PRELID2: variants seen among roughly 807,000 people sequenced by gnomAD.
The protein encoded by PRELID2 is PRELI domain containing 2, also known as PRELI domain-containing protein 2.
PRELID2 carries 25 observed loss-of-function variants against 28.4 expected under a neutral mutation model. The observed-to-expected ratio is 0.88, with a 90% CI of 0.64 to 1.23. The LOEUF (loss-of-function observed/expected upper bound fraction) is 1.23, where lower values mean the gene tolerates loss of function less well. Among genes scored for constraint, PRELID2 ranks in the 50% most tolerant of loss-of-function variants. The probability of loss-of-function intolerance (pLI) is 0.00; values close to 1 mark genes in which losing one functional copy is unlikely to be tolerated. For synonymous variants in PRELID2, 76 were observed against 71.6 expected (o/e 1.06, Z -0.31); for missense variants, 201 against 214.4 (o/e 0.94, Z 0.39).
chr5:145,833,459 G>A (rs1755735701), intron 1 of PRELID2, among the ~76,000 whole-genome samples: 1 of 152,164 alleles, frequency 6.6e-6, no homozygotes, highest in Admixed American at 6.5e-5. Context: ...TACTTTTTGG[G>A]CCCAGAAGCC....
chr5:145,422,181 G>C, the PRELID2 span, among the ~76,000 whole-genome samples: 1 of 148,016 alleles, frequency 6.8e-6, no homozygotes, highest in Admixed American at 6.8e-5. Context: ...AATAGGTGTG[G>C]TGTGGTGCTG....
chr5:145,430,056 C>G, the PRELID2 span: 1 of 152,206 alleles, frequency 6.6e-6, no homozygotes, highest in East Asian at 1.9e-4. Flanking sequence ...GGTCCTTAGT[C>G]TCATGGGAAA....
At chr5:145,819,311 G>T in intron 3 of PRELID2, 3 of 1,016,274 alleles carry the variant, frequency 3.0e-6, no homozygotes, top group Non-Finnish European at 4.7e-6. Flanking sequence ...CTTCCTCATA[G>T]CTCTAAAAGG....
At chr5:145,478,124 T>G (rs1455320203) in intron 1 of PRELID2, among the ~76,000 whole-genome samples, 2 of 152,222 alleles carry the variant, frequency 1.3e-5, no homozygotes, top group Non-Finnish European at 2.9e-5. Flanking sequence ...ACTCGAGCCC[T>G]TGTTCTACTG....
intron 1 of PRELID2, among the ~76,000 whole-genome samples, chr5:145,640,643 C>CAA (rs750960595): frequency 3.5e-4 from 26 of 73,850 alleles, no homozygotes; most frequent in East Asian, 1.8e-3. Flanking sequence ...GACTCTGTCT[C>CAA]AAAAAAAAAA....
chr5:145,304,896 G>T, the PRELID2 span, among the ~76,000 whole-genome samples: 1 of 152,104 alleles, frequency 6.6e-6, no homozygotes, highest in African/African-American at 2.4e-5. Context: ...TATATAGTAT[G>T]GTACCTGATA....
chr5:145,754,961 T>C (rs2149754827), downstream of PRELID2, among the ~76,000 whole-genome samples: 1 of 152,314 alleles, frequency 6.6e-6, no homozygotes, highest in East Asian at 1.9e-4. Flanking sequence ...TTGAACAAAC[T>C]CTACACTCAA....
chr5:145,339,525 A>G, the PRELID2 span, among the ~76,000 whole-genome samples: 1 of 152,176 alleles, frequency 6.6e-6, no homozygotes, highest in African/African-American at 2.4e-5. Context: ...ACAGCCCCAC[A>G]GGTATCTGAG....
chr5:145,307,781 C>A, the PRELID2 span, among the ~76,000 whole-genome samples: 1 of 151,884 alleles, frequency 6.6e-6, no homozygotes, highest in Non-Finnish European at 1.5e-5. Context: ...AAAAGCAAGA[C>A]CATTGGAGCA....
At chr5:145,807,101 C>A (rs904423681) in intron 4 of PRELID2, among the ~76,000 whole-genome samples, 6 of 152,158 alleles carry the variant, frequency 3.9e-5, no homozygotes, top group Non-Finnish European at 7.3e-5. Flanking sequence ...ACTGCCATCA[C>A]CACAAACACA....
the PRELID2 span, among the ~76,000 whole-genome samples, chr5:145,346,707 A>G: frequency 3.3e-5 from 5 of 152,144 alleles, no homozygotes; most frequent in Non-Finnish European, 4.4e-5. Flanking sequence ...TCAAGAGAAC[A>G]CTATACTCTC....
At chr5:145,785,454 A>G (rs1751932183) in intron 5 of PRELID2, among the ~76,000 whole-genome samples, 1 of 152,246 alleles carries the variant, frequency 6.6e-6, no homozygotes, top group Non-Finnish European at 1.5e-5. Context: ...AAAATACTTC[A>G]GCACATGATG....
At chr5:145,710,205 C>T (rs573501043) in intron 1 of PRELID2, among the ~76,000 whole-genome samples, 5 of 152,136 alleles carry the variant, frequency 3.3e-5, no homozygotes, top group African/African-American at 1.2e-4. Flanking sequence ...TTTTACTTAT[C>T]TCTGATATAC....
At chr5:145,600,048 CTA>C (rs1385373550) in intron 1 of PRELID2, among the ~76,000 whole-genome samples, 1 of 150,866 alleles carries the variant, frequency 6.6e-6, no homozygotes, top group East Asian at 1.9e-4. Context: ...GAAATATGTT[CTA>C]TGTTATCTGT....
chr5:145,240,568 A>C, the PRELID2 span, among the ~76,000 whole-genome samples: 1 of 151,998 alleles, frequency 6.6e-6, no homozygotes, highest in African/African-American at 2.4e-5. Context: ...ACTTATTATC[A>C]GGCAGCTGGG....
At chr5:145,576,497 TTTTA>T (rs1258254581) in intron 1 of PRELID2, among the ~76,000 whole-genome samples, 4 of 152,164 alleles carry the variant, frequency 2.6e-5, no homozygotes, top group Admixed American at 2.6e-4. Flanking sequence ...ACATACCATA[TTTTA>T]TTTATCCACT....
At chr5:145,327,453 T>C in the PRELID2 span, among the ~76,000 whole-genome samples, 1 of 152,164 alleles carries the variant, frequency 6.6e-6, no homozygotes, top group African/African-American at 2.4e-5. Context: ...TTTTGGCTGC[T>C]ATTTGCATAG....
intron 1 of PRELID2, among the ~76,000 whole-genome samples, chr5:145,508,360 A>C (rs1019864249): frequency 6.6e-6 from 1 of 152,118 alleles, no homozygotes; most frequent in Non-Finnish European, 1.5e-5. Context: ...AGTTGAAATA[A>C]ACAGACATAT....
chr5:145,655,309 A>G (rs1754373818), intron 1 of PRELID2, among the ~76,000 whole-genome samples: 1 of 152,170 alleles, frequency 6.6e-6, no homozygotes, highest in Non-Finnish European at 1.5e-5. Context: ...AATATCATGA[A>G]AATGGCCGTA....
Sources: allele counts gnomAD v4.1 joint callset (sites outside exome capture counted in the v4.1 genomes callset), GRCh38; gene constraint gnomAD v4.1.1; transcripts MANE v1.5; gene names NCBI Gene and HGNC (gene_info 2026-07-23, HGNC 2026-07-21).